The following GSR variants were observed in gnomAD, a reference collection of about 807,000 sequenced individuals.
The protein encoded by GSR is glutathione-disulfide reductase, also known as glutathione reductase, mitochondrial.
GSR carries 48 observed loss-of-function variants against 56.5 expected under a neutral mutation model. The observed-to-expected ratio is 0.85, with a 90% confidence interval of 0.67 to 1.08. GSR has a LOEUF of 1.08. Ranked by LOEUF, GSR falls within the 50% of genes least tolerant of loss-of-function variation. The pLI is 0.00. For missense variants in GSR, 694 were observed against 703.3 expected (o/e 0.99, Z 0.15); for synonymous variants, 264 against 270.8 (o/e 0.97, Z 0.25).
chr8:30,680,548 T>C (rs2551732), intron 12 of GSR, among the ~76,000 whole-genome samples: 113,518 of 151,166 alleles, frequency 0.75, 42,959 homozygotes, highest in East Asian at 0.9. Context: ...GCACGCACCA[T>C]CATGCCTGGC....
At chr8:30,702,963 A>T (rs1803792662) in intron 5 of GSR, 130 bp downstream of exon 5, 1 of 956,638 alleles carries the variant, frequency 1.0e-6, no homozygotes, top group Admixed American at 1.8e-5. Context: ...TAGGTTCTGC[A>T]GAGACCTTCT....
intron 3 of GSR, among the ~76,000 whole-genome samples, chr8:30,708,470 A>C (rs140166887): frequency 6.6e-6 from 1 of 152,188 alleles, no homozygotes. Flanking sequence ...TAAATAAATA[A>C]ATTTGCTAAA....
chr8:30,727,418 G>T, intron 1 of GSR, 112 bp downstream of exon 1: 1 of 1,079,894 alleles, frequency 9.3e-7, no homozygotes, highest in Non-Finnish European at 1.3e-6. Flanking sequence ...GGGTGGAAAA[G>T]AGGAAAGCCC....
chr8:30,710,224 G>A (rs1311152958), intron 2 of GSR, among the ~76,000 whole-genome samples: 1 of 151,908 alleles, frequency 6.6e-6, no homozygotes, highest in South Asian at 2.1e-4. Context: ...GCTGAGGCAG[G>A]AGAATTGCTT....
intron 1 of GSR, among the ~76,000 whole-genome samples, chr8:30,720,491 C>A (rs1162654836): frequency 6.6e-6 from 1 of 152,158 alleles, no homozygotes; most frequent in Non-Finnish European, 1.5e-5. Flanking sequence ...AGATAAAGAT[C>A]CCTGTCTCTG....
intron 1 of GSR, among the ~76,000 whole-genome samples, chr8:30,720,352 G>C (rs1027821364): frequency 1.3e-5 from 2 of 152,132 alleles, no homozygotes; most frequent in Non-Finnish European, 2.9e-5. Context: ...TCAGAAAATA[G>C]ACGAGTCATA....
intron 1 of GSR, among the ~76,000 whole-genome samples, chr8:30,717,596 G>A (rs1419738776): frequency 6.6e-6 from 1 of 152,068 alleles, no homozygotes; most frequent in Non-Finnish European, 1.5e-5. Flanking sequence ...GAACCCTATT[G>A]TGAACTGTGC....
chr8:30,710,261 A>G lies in GSR; in HGVS notation c.334-359T>C, dbSNP rs918665643. ...AACCCTGAGGGCAGAGGTTGTAGTG[A>G]GCCAAGATCACACTGCTGCACTCCA... is the stretch of plus-strand genomic sequence containing the variant. On this transcript the variant is annotated intron_variant, in intron 2 of 12. Transcript: ENST00000221130. Among the ~76,000 whole-genome samples the G allele has an allele frequency of 2.4e-4, 36 of 152,202 alleles. 1 individual carries two copies. Among genetic ancestry groups the G allele is most frequent in the Admixed American group, 1.0e-3 (16 of 15,264 alleles).
intron 10 of GSR, among the ~76,000 whole-genome samples, chr8:30,683,077 C>T (rs769310257): frequency 4.3e-4 from 66 of 152,118 alleles, no homozygotes; most frequent in Admixed American, 8.5e-4. Flanking sequence ...CTGCCCACCT[C>T]GGCCTCACAA....
rs369765245 is a variant in GSR, at chr8:30,690,907, T to A, written c.883-1588A>T. 1.2e-3 allele frequency among the ~76,000 whole-genome samples: 179 copies of A among 150,748 alleles called. 2 individuals are homozygous for A. In the East Asian group the frequency reaches 0.018, roughly 15 times the overall value. ...TAGTGAGACTCCATGTCTACAAAAA[T>A]TTTTTTTTTAATTAGCCAGGCATGG... On this transcript the variant is annotated intron_variant, in intron 8 of 12. Coordinates refer to ENST00000221130, the MANE Select transcript of GSR (RefSeq NM_000637.5).
chr8:30,696,567 G>C (rs1803549056), intron 6 of GSR, 88 bp from the exon 7 acceptor site: 6 of 869,614 alleles, frequency 6.9e-6, no homozygotes, highest in Admixed American at 1.8e-5. Flanking sequence ...AGATAGTACA[G>C]AGATTTCCCT....
intron 8 of GSR, among the ~76,000 whole-genome samples, chr8:30,691,607 G>A (rs1013788220): frequency 1.3e-5 from 2 of 151,702 alleles, no homozygotes; most frequent in Non-Finnish European, 2.9e-5. Context: ...CTTGAATCTA[G>A]GAGGCAGAGG....
chr8:30,681,692 T>C (rs1802965427), intron 11 of GSR, among the ~76,000 whole-genome samples: 2 of 151,730 alleles, frequency 1.3e-5, no homozygotes, highest in South Asian at 4.2e-4. Flanking sequence ...TTAAAATTAG[T>C]TCAAATAAAA....
chr8:30,692,978 C>T lies in GSR; in HGVS notation c.873G>A (p.Lys291=). Residue 291 remains lysine, a synonymous_variant, in exon 8 of 13, where the codon AAG becomes AAA. Coordinates refer to ENST00000221130, the MANE Select transcript of GSR (RefSeq NM_000637.5). ...ELENAGVEVL[K]FSQVKEVKKT... is the part of the protein sequence containing the mutation. ...GGGCTTGGCACTGTACCTGGGAGAA[C>T]TTCAGCACCTCCACGCCAGCGTTCT... The T allele has an allele frequency of 6.2e-7, 1 of 1,609,238 alleles. No homozygotes were observed. The highest frequency in any genetic ancestry group is 8.5e-7 in the Non-Finnish European group (1 of 1,176,328).
chr8:30,695,722 T>C (rs779145066), intron 7 of GSR, among the ~76,000 whole-genome samples: 7 of 152,302 alleles, frequency 4.6e-5, no homozygotes, highest in South Asian at 2.1e-4. Context: ...TACTTGATCA[T>C]ATAAAATTGA....
chr8:30,712,162 ACG>A lies in GSR; in HGVS notation c.307-76_307-75del. ...ATCAAACGAAATCTGCAAGAAATGCACGCTAAGCATCAAGCGAGGAGTCTTCC... is the reference window on the plus strand; with the variant it reads ...ATCAAACGAAATCTGCAAGAAATGCACTAAGCATCAAGCGAGGAGTCTTCC... On this transcript the variant is annotated intron_variant, in intron 1 of 12. Coordinates refer to ENST00000221130, the MANE Select transcript of GSR (RefSeq NM_000637.5). 1.3e-5 allele frequency: 10 copies of A among 784,812 alleles called. No individual in the cohort carries two copies. The Admixed American group carries it at 1.6e-4, about 13-fold the overall frequency. 48.6% of individuals were successfully genotyped at this position (784,812 alleles called of 1,614,324 possible). A position where few individuals can be genotyped will look rare whatever the true frequency, so the allele number is the denominator to read the frequency against.
At chr8:30,681,125 C>A (rs1802942490) in intron 11 of GSR, 88 bp from the exon 12 acceptor site, 3 of 1,086,838 alleles carry the variant, frequency 2.8e-6, no homozygotes, top group Admixed American at 1.7e-5. Context: ...AAATACATAA[C>A]CTCAATCAAA....
intron 6 of GSR, among the ~76,000 whole-genome samples, chr8:30,699,701 C>T (rs1479813102): frequency 6.6e-6 from 1 of 151,890 alleles, no homozygotes. Flanking sequence ...GCTTCAGCCT[C>T]CCAAAGTGCT....
intron 6 of GSR, among the ~76,000 whole-genome samples, chr8:30,699,149 G>A (rs955268859): frequency 6.6e-6 from 1 of 152,044 alleles, no homozygotes; most frequent in African/African-American, 2.4e-5. Flanking sequence ...AAGTTAACCA[G>A]GTATGGTGGT....
Sources: allele counts gnomAD v4.1 joint callset (sites outside exome capture counted in the v4.1 genomes callset), GRCh38; gene constraint gnomAD v4.1.1; transcripts MANE v1.5; gene names NCBI Gene and HGNC (gene_info 2026-07-23, HGNC 2026-07-21).